Variants in TTC28 observed in about 807,000 individuals in gnomAD.
The protein encoded by TTC28 is tetratricopeptide repeat domain 28.
In TTC28, 61 loss-of-function variants were observed where a neutral mutation model predicts 198.0. The observed-to-expected ratio is 0.31, with a 90% CI of 0.25 to 0.38. The LOEUF (loss-of-function observed/expected upper bound fraction) is 0.38, where lower values mean the gene tolerates loss of function less well. Ranked by LOEUF, TTC28 falls within the 10% of genes least tolerant of loss-of-function variation. The probability of loss-of-function intolerance (pLI) is 1.00; values close to 1 mark genes in which losing one functional copy is unlikely to be tolerated. For missense variants in TTC28, 2,678 were observed against 3,164.0 expected (o/e 0.85, Z 3.69); for synonymous variants, 1,171 against 1,297.8 (o/e 0.90, Z 2.10).
intron 5 of TTC28, among the ~76,000 whole-genome samples, chr22:28,295,618 C>A (rs2044878563): frequency 6.6e-6 from 1 of 152,208 alleles, no homozygotes; most frequent in African/African-American, 2.4e-5. Flanking sequence ...GCCTATCTGA[C>A]ACCAAACCTC....
chr22:28,023,169 G>T (rs2146608894), intron 13 of TTC28, among the ~76,000 whole-genome samples: 1 of 152,366 alleles, frequency 6.6e-6, no homozygotes, highest in South Asian at 2.1e-4. Context: ...CCCTGCCTGG[G>T]CTAAGGGTTA....
intron 5 of TTC28, among the ~76,000 whole-genome samples, chr22:28,181,826 C>A (rs766506164): frequency 1.3e-5 from 2 of 152,022 alleles, no homozygotes; most frequent in African/African-American, 2.4e-5. Flanking sequence ...ATGGGGAGGC[C>A]GAGGCTAGAA....
At chr22:28,405,023 A>G (rs926061176) in intron 2 of TTC28, among the ~76,000 whole-genome samples, 3 of 152,198 alleles carry the variant, frequency 2.0e-5, no homozygotes, top group Admixed American at 6.5e-5. Flanking sequence ...GACAGCTCGG[A>G]GCAATTAATA....
At chr22:28,210,474 G>A (rs560549759) in intron 5 of TTC28, among the ~76,000 whole-genome samples, 2 of 152,240 alleles carry the variant, frequency 1.3e-5, no homozygotes, top group East Asian at 3.9e-4. Flanking sequence ...ACCATGGCAT[G>A]AGAACTACGT....
chr22:28,646,021 AT>A (rs1156373630), intron 1 of TTC28, among the ~76,000 whole-genome samples: 1 of 152,144 alleles, frequency 6.6e-6, no homozygotes, highest in Non-Finnish European at 1.5e-5. Context: ...CGAGATAATG[AT>A]GCCCATTTTC....
At chr22:28,659,654 T>A (rs1231857607) in intron 1 of TTC28, among the ~76,000 whole-genome samples, 1 of 151,966 alleles carries the variant, frequency 6.6e-6, no homozygotes, top group African/African-American at 2.4e-5. Flanking sequence ...CCCAACTACT[T>A]AGGAGGCTGA....
chr22:28,551,574 T>C (rs996969320), intron 2 of TTC28, among the ~76,000 whole-genome samples: 8 of 152,180 alleles, frequency 5.3e-5, no homozygotes, highest in Non-Finnish European at 1.0e-4. Flanking sequence ...TGGTTTAACA[T>C]ATGTAAGTCA....
intron 1 of TTC28, among the ~76,000 whole-genome samples, chr22:28,639,077 A>C (rs1034261539): frequency 1.3e-5 from 2 of 152,250 alleles, no homozygotes; most frequent in Admixed American, 1.3e-4. Context: ...TTATAGATGC[A>C]CTTACATGTG....
intron 8 of TTC28, among the ~76,000 whole-genome samples, chr22:28,103,773 G>A (rs1288903947): frequency 6.6e-6 from 1 of 152,196 alleles, no homozygotes; most frequent in African/African-American, 2.4e-5. Flanking sequence ...GTGTTGCAAT[G>A]TCTCAGGCAA....
intron 5 of TTC28, among the ~76,000 whole-genome samples, chr22:28,251,207 T>C (rs911870843): frequency 2.0e-5 from 3 of 152,152 alleles, no homozygotes; most frequent in Non-Finnish European, 2.9e-5. Context: ...TTTCAAAACA[T>C]GGGAGACTGA....
chr22:28,517,967 G>T (rs1434264804), intron 2 of TTC28, among the ~76,000 whole-genome samples: 1 of 150,986 alleles, frequency 6.6e-6, no homozygotes, highest in Non-Finnish European at 1.5e-5. Context: ...TTACACTCAA[G>T]GTCCCACTAT....
At chr22:28,523,846 A>G (rs530864409) in intron 2 of TTC28, among the ~76,000 whole-genome samples, 1 of 152,334 alleles carries the variant, frequency 6.6e-6, no homozygotes, top group East Asian at 1.9e-4. Context: ...CAATAATAAT[A>G]CGTTTTATAA....
chr22:28,170,497 A>G (rs1478308273), intron 5 of TTC28, among the ~76,000 whole-genome samples: 1 of 151,878 alleles, frequency 6.6e-6, no homozygotes, highest in African/African-American at 2.4e-5. Flanking sequence ...TCCAAAAAAA[A>G]AAAAAAGAAA....
At chr22:28,159,727 A>G (rs891911165) in intron 6 of TTC28, among the ~76,000 whole-genome samples, 1 of 152,170 alleles carries the variant, frequency 6.6e-6, no homozygotes, top group African/African-American at 2.4e-5. Context: ...TATACCCACA[A>G]GAAAGGAAAT....
intron 2 of TTC28, among the ~76,000 whole-genome samples, chr22:28,326,166 C>T (rs2045526632): frequency 6.6e-6 from 1 of 152,056 alleles, no homozygotes; most frequent in African/African-American, 2.4e-5. Context: ...AGAAACAAAA[C>T]TATTGATGCA....
chr22:28,607,593 A>C (rs888759361), intron 2 of TTC28, among the ~76,000 whole-genome samples: 1 of 152,190 alleles, frequency 6.6e-6, no homozygotes, highest in African/African-American at 2.4e-5. Flanking sequence ...GATTTTTTTA[A>C]TGTCACAAAA....
intron 2 of TTC28, among the ~76,000 whole-genome samples, chr22:28,473,043 T>C (rs1375571460): frequency 2.6e-5 from 4 of 152,106 alleles, no homozygotes; most frequent in Non-Finnish European, 5.9e-5. Context: ...AAAACACTAT[T>C]AATCTCATTG....
intron 2 of TTC28, among the ~76,000 whole-genome samples, chr22:28,561,416 T>TCTATAGCAC (rs1473040096): frequency 3.3e-5 from 5 of 152,214 alleles, no homozygotes; most frequent in African/African-American, 1.2e-4. Flanking sequence ...CTTTGTTTCT[T>TCTATAGCAC]CTATAGCACT....
intron 13 of TTC28, among the ~76,000 whole-genome samples, chr22:28,028,460 G>A (rs1013624142): frequency 6.6e-6 from 1 of 152,224 alleles, no homozygotes; most frequent in African/African-American, 2.4e-5. Context: ...GGGTTAATAA[G>A]CTAGGGCCCT....
Sources: gnomAD v4.1 joint callset for allele counts (sites outside exome capture counted in the v4.1 genomes callset) on GRCh38, gnomAD v4.1.1 for gene constraint, MANE v1.5 for transcripts, NCBI Gene and HGNC (gene_info 2026-07-23, HGNC 2026-07-21) for gene names.